Variants in MACROH2A2 observed in about 807,000 individuals in gnomAD.
MACROH2A2 encodes the protein core histone macro-H2A.2.
In MACROH2A2, 6 loss-of-function variants were observed where a neutral mutation model predicts 37.6. The observed-to-expected ratio is 0.16, with a 90% CI of 0.09 to 0.32. The LOEUF (loss-of-function observed/expected upper bound fraction) is 0.32. Ranked by LOEUF, MACROH2A2 falls within the 10% of genes least tolerant of loss-of-function variation. MACROH2A2 has a pLI of 1.00. For missense variants in MACROH2A2, 290 were observed against 485.9 expected, an observed-to-expected ratio of 0.60 and a Z score of 3.79; for synonymous variants, 192 against 202.7, an observed-to-expected ratio of 0.95 and a Z score of 0.45.
At chr10:70,067,999 G>A (rs1407182408) in intron 1 of MACROH2A2, among the ~76,000 whole-genome samples, 1 of 152,150 alleles carries the variant, frequency 6.6e-6, no homozygotes, top group African/African-American at 2.4e-5. Flanking sequence ...TTTGGAGGTA[G>A]CCACCAGAAC....
chr10:70,074,276 C>T (rs1446669977), intron 1 of MACROH2A2, among the ~76,000 whole-genome samples: 1 of 152,172 alleles, frequency 6.6e-6, no homozygotes, highest in Non-Finnish European at 1.5e-5. Flanking sequence ...TCTCTTAGTT[C>T]CTGGTGCTGA....
intron 4 of MACROH2A2, among the ~76,000 whole-genome samples, chr10:70,092,770 GC>G (rs1451863588): frequency 2.0e-5 from 3 of 152,178 alleles, no homozygotes; most frequent in African/African-American, 7.2e-5. Context: ...AGCGATGATA[GC>G]CAGGAACCTG....
intron 1 of MACROH2A2, among the ~76,000 whole-genome samples, chr10:70,055,685 T>G (rs555332561): frequency 6.6e-6 from 1 of 152,226 alleles, no homozygotes; most frequent in African/African-American, 2.4e-5. Flanking sequence ...TTTCATATAC[T>G]GCTGACTGGT....
intron 2 of MACROH2A2, among the ~76,000 whole-genome samples, chr10:70,076,905 T>C (rs1488073093): frequency 1.3e-5 from 2 of 151,892 alleles, no homozygotes; most frequent in Non-Finnish European, 2.9e-5. Context: ...CAACCAACAT[T>C]TATTGGTGAA....
chr10:70,070,173 C>T (rs1475959610), intron 1 of MACROH2A2, among the ~76,000 whole-genome samples: 1 of 152,110 alleles, frequency 6.6e-6, no homozygotes, highest in African/African-American at 2.4e-5. Flanking sequence ...GCTTAAATTC[C>T]GCACAAGACC....
chr10:70,073,981 T>C (rs1305051023), intron 1 of MACROH2A2, among the ~76,000 whole-genome samples: 2 of 152,250 alleles, frequency 1.3e-5, no homozygotes, highest in African/African-American at 4.8e-5. Flanking sequence ...GAGAACGCCA[T>C]TGACCTTGGG....
At chr10:70,108,288 A>C (rs1402851613) in intron 7 of MACROH2A2, among the ~76,000 whole-genome samples, 1 of 152,230 alleles carries the variant, frequency 6.6e-6, no homozygotes, top group Non-Finnish European at 1.5e-5. Flanking sequence ...ATTACCACAA[A>C]GTTCGTGGCT....
In MACROH2A2 at chr10:70,075,895, G is replaced by A. The variant is rs376447215; in HGVS notation, c.172+65G>A. 1.1e-5 allele frequency: 15 copies of A among 1,386,734 alleles called. No homozygotes were observed. Among genetic ancestry groups the A allele is most frequent in the East Asian group, 2.4e-5 (1 of 41,600 alleles). 85.9% of individuals were successfully genotyped at this position (1,386,734 alleles called of 1,614,324 possible). A position where few individuals can be genotyped will look rare whatever the true frequency, so the allele number is the denominator to read the frequency against. On this transcript the variant is annotated intron_variant, in intron 2 of 8. Coordinates refer to ENST00000373255, the MANE Select transcript of MACROH2A2 (RefSeq NM_018649.3). The surrounding 1 kb of genome is among the most constrained non-coding windows in gnomAD (Gnocchi z 5.0). ...CCCCACCCTCCCCTGGGTCCCCCTC[G>A]CAGGCTGGGGAGGGATGCTCCAAAT...
intron 2 of MACROH2A2, among the ~76,000 whole-genome samples, chr10:70,083,338 A>G (rs1245992238): frequency 1.3e-5 from 2 of 152,172 alleles, no homozygotes; most frequent in Non-Finnish European, 2.9e-5. Context: ...CTTAAGTGAC[A>G]GTATTCCACT....
intron 1 of MACROH2A2, among the ~76,000 whole-genome samples, chr10:70,056,357 C>T (rs1331781863): frequency 2.6e-5 from 4 of 152,176 alleles, no homozygotes; most frequent in African/African-American, 9.7e-5. Context: ...AAGTGATCCT[C>T]CTGCCTCAGC....
At chr10:70,057,858 C>G (rs1304888400) in intron 1 of MACROH2A2, among the ~76,000 whole-genome samples, 1 of 152,124 alleles carries the variant, frequency 6.6e-6, no homozygotes, top group Non-Finnish European at 1.5e-5. Flanking sequence ...CTGACAGCAG[C>G]CCTATAAGTA....
chr10:70,056,012 A>G (rs879866669), intron 1 of MACROH2A2, among the ~76,000 whole-genome samples: 3 of 152,236 alleles, frequency 2.0e-5, no homozygotes, highest in Admixed American at 6.5e-5. Flanking sequence ...CTATTAATGA[A>G]AAAAGCAAAT....
chr10:70,095,517 T>C (rs1589838835), intron 5 of MACROH2A2, 137 bp from the exon 6 acceptor site: 2 of 556,834 alleles, frequency 3.6e-6, no homozygotes, highest in East Asian at 3.2e-5. Context: ...AAACTGGAGG[T>C]TGTCACTCTC....
At chr10:70,095,161 G>A (rs2072267342) in intron 5 of MACROH2A2, among the ~76,000 whole-genome samples, 2 of 152,148 alleles carry the variant, frequency 1.3e-5, no homozygotes, top group African/African-American at 4.8e-5. Flanking sequence ...GAGGTCGGGA[G>A]ATCAAGATCA....
rs1310864603 is a variant in MACROH2A2 at position 70,053,826 on chromosome 10, AAAT to A, written c.-60+838_-60+840del. 6.6e-6 allele frequency among the ~76,000 whole-genome samples: 1 copy of A among 152,044 alleles called. No individual in the cohort carries two copies. The highest frequency in any genetic ancestry group is 2.4e-5 in the African/African-American group (1 of 41,436). ...TCTGGCTCCCGCTTTGCGCGGGAAA[AAAT>A]AATAATAATAAAAATATCGAAAAAG... On this transcript the variant is annotated intron_variant, in intron 1 of 8. Coordinates refer to ENST00000373255, the MANE Select transcript of MACROH2A2 (RefSeq NM_018649.3). The surrounding 1 kb of genome is among the most constrained non-coding windows in gnomAD (Gnocchi z 4.8).
At chr10:70,056,087 T>C (rs1272180110) in intron 1 of MACROH2A2, among the ~76,000 whole-genome samples, 1 of 152,170 alleles carries the variant, frequency 6.6e-6, no homozygotes, top group Non-Finnish European at 1.5e-5. Context: ...TACATCTCTA[T>C]AAGTAAAAAT....
chr10:70,106,150 C>A (rs1224977520), intron 7 of MACROH2A2, among the ~76,000 whole-genome samples: 1 of 152,196 alleles, frequency 6.6e-6, no homozygotes, highest in Non-Finnish European at 1.5e-5. Context: ...TGGTGACTCC[C>A]AAGAACTGTG....
intron 1 of MACROH2A2, among the ~76,000 whole-genome samples, chr10:70,070,524 C>T (rs910909522): frequency 1.3e-5 from 2 of 152,132 alleles, no homozygotes; most frequent in African/African-American, 4.8e-5. Flanking sequence ...CGGAGTTTCG[C>T]TGTCGTTGCC....
chr10:70,106,250 G>A (rs778346404), intron 7 of MACROH2A2, among the ~76,000 whole-genome samples: 1 of 152,194 alleles, frequency 6.6e-6, no homozygotes, highest in Non-Finnish European at 1.5e-5. Flanking sequence ...CATCACATTA[G>A]GTAAGAGAAT....
Sources: allele counts gnomAD v4.1 joint callset (sites outside exome capture counted in the v4.1 genomes callset), GRCh38; gene constraint gnomAD v4.1.1; non-coding constraint Gnocchi (gnomAD v3.1); transcripts MANE v1.5; gene names NCBI Gene and HGNC (gene_info 2026-07-23, HGNC 2026-07-21).